The following GPSM1 variants were observed in gnomAD, a reference collection of about 807,000 sequenced individuals.
The protein encoded by GPSM1 is G protein signaling modulator 1, also known as G protein-signaling modulator 1.
GPSM1 carries 48 observed loss-of-function variants against 70.5 expected under a neutral mutation model. The observed-to-expected ratio is 0.68, with a 90% CI of 0.54 to 0.87. The LOEUF (loss-of-function observed/expected upper bound fraction) is 0.87. GPSM1 is among the 40% of genes least tolerant of loss of function. The probability of loss-of-function intolerance (pLI) is 0.00; values close to 1 mark genes in which losing one functional copy is unlikely to be tolerated. For missense variants in GPSM1, 981 were observed against 972.6 expected (o/e 1.01, Z -0.11); for synonymous variants, 416 against 430.1 (o/e 0.97, Z 0.41).
At chr9:136,338,794 C>T (rs1832315986) in intron 7 of GPSM1, 84 bp downstream of exon 7, 5 of 1,338,374 alleles carry the variant, frequency 3.7e-6, no homozygotes, top group Non-Finnish European at 4.0e-6. Flanking sequence ...GCCTGGGTCC[C>T]ATCCCCTGCT....
Position 136,338,547 on chromosome 9 carries a change from C to T in GPSM1, c.819-8C>T, listed in dbSNP as rs782749641. The T allele has an allele frequency of 2.7e-5, 44 of 1,608,436 alleles. No homozygotes were observed. Among genetic ancestry groups the T allele is most frequent in the Non-Finnish European group, 3.6e-5 (42 of 1,177,444 alleles). On this transcript the variant is annotated splice_region_variant and splice_polypyrimidine_tract_variant and intron_variant, in intron 6 of 13. Coordinates refer to ENST00000440944, the MANE Select transcript of GPSM1 (RefSeq NM_001145638.3). ...CCTCCTGGGGGCTGACCCTGCCACT[C>T]TGCACAGGAAGACGCTGCAACTGTC... is the stretch of plus-strand genomic sequence containing the variant.
rs146647663 is a variant in GPSM1 at position 136,358,710 on chromosome 9, G to A, written c.*490G>A. ...CCCCTCCAGCTTCGTCCTGGGGCAG[G>A]GCTCCCTCCAAGCCTGTCTCCCCAC... On this transcript the variant is annotated 3_prime_UTR_variant, in exon 14 of 14. Transcript: ENST00000440944. 218 of 201,896 alleles carry A rather than the reference G, an allele frequency of 1.1e-3. No homozygotes were observed. Among genetic ancestry groups the A allele is most frequent in the African/African-American group, 5.0e-3 (208 of 41,918 alleles). The allele number at this position is 201,896 out of a possible 1,614,324, so 12.5% of individuals were successfully genotyped here.
Position 136,334,432 on chromosome 9 carries a change from A to G in GPSM1, c.69-15A>G, listed in dbSNP as rs782734210. 2 of 1,604,334 alleles carry G rather than the reference A, an allele frequency of 1.2e-6. No individual in the cohort carries two copies. The highest frequency in any genetic ancestry group is 2.2e-5 in the East Asian group (1 of 44,784). On this transcript the variant is annotated splice_polypyrimidine_tract_variant and intron_variant, in intron 1 of 13. Transcript: ENST00000440944. Reference sequence around the variant, plus strand: ...TTGCCAGGGCTGGGCCATGACGCCAAGTTCCTCTGCACAGGATGGAGGCGT... The same window carrying G: ...TTGCCAGGGCTGGGCCATGACGCCAGGTTCCTCTGCACAGGATGGAGGCGT...
chr9:136,337,173 C>T, intron 4 of GPSM1, 101 bp downstream of exon 4: 3 of 1,179,670 alleles, frequency 2.5e-6, no homozygotes, highest in Non-Finnish European at 3.5e-6. Flanking sequence ...TACCTCCCGA[C>T]AGCTCCCAGG....
In GPSM1 at chr9:136,334,684, C is replaced by G. The variant is rs1035795515; in HGVS notation, c.290+16C>G. On this transcript the variant is annotated intron_variant, in intron 2 of 13. Transcript: ENST00000440944. ...TGCTGGCGCGGTGAGTGGGGACGGTCCTGCTGGCGGGTGAGTGGGGCGGCC... is the reference window on the plus strand; with the variant it reads ...TGCTGGCGCGGTGAGTGGGGACGGTGCTGCTGGCGGGTGAGTGGGGCGGCC... The G allele has an allele frequency of 6.3e-7, 1 of 1,599,672 alleles. No homozygotes were observed. Among genetic ancestry groups the G allele is most frequent in the African/African-American group, 1.4e-5 (1 of 73,790 alleles).
At chr9:136,352,451 C>G (rs1191496380) in intron 11 of GPSM1, among the ~76,000 whole-genome samples, 1 of 152,204 alleles carries the variant, frequency 6.6e-6, no homozygotes, top group Non-Finnish European at 1.5e-5. Flanking sequence ...GTCTGGGGGT[C>G]CAGAGAACTC....
intron 13 of GPSM1, among the ~76,000 whole-genome samples, chr9:136,357,708 G>A (rs1048404421): frequency 1.1e-4 from 16 of 152,204 alleles, no homozygotes; most frequent in African/African-American, 1.4e-4. Context: ...ATCCAACGCC[G>A]CCCTAGCCAC....
At position 136,342,869 on chromosome 9, in the gene GPSM1, A is replaced by G. The variant is rs1222795800; in HGVS notation, c.1207+1876A>G. Among the ~76,000 whole-genome samples the G allele has an allele frequency of 1.3e-5, 2 of 151,214 alleles. No individual in the cohort carries two copies. Among genetic ancestry groups the G allele is most frequent in the Non-Finnish European group, 3.0e-5 (2 of 67,724 alleles). Reference sequence around the variant, plus strand: ...AGCGGGGTGTGGGCAGGGAGGAGGAAGTCGTCTGGAGGTGGGGCTTCAGCC... The same window carrying G: ...AGCGGGGTGTGGGCAGGGAGGAGGAGGTCGTCTGGAGGTGGGGCTTCAGCC... On this transcript the variant is annotated intron_variant, in intron 9 of 13. Transcript: ENST00000440944. This position sits in a 1 kb window ranked among gnomAD's most constrained non-coding sequence, Gnocchi z 5.5.
intron 1 of GPSM1, among the ~76,000 whole-genome samples, chr9:136,329,977 G>A (rs1832064938): frequency 2.0e-5 from 3 of 150,518 alleles, no homozygotes; most frequent in South Asian, 4.2e-4. Context: ...GGGTCAGTGG[G>A]GATGGGCCCT....
intron 1 of GPSM1, among the ~76,000 whole-genome samples, chr9:136,334,240 T>C (rs545395459): frequency 2.0e-5 from 3 of 152,300 alleles, no homozygotes; most frequent in East Asian, 3.9e-4. Context: ...CAGGAGGTGC[T>C]GGCAGAGGTG....
chr9:136,349,763 G>A lies in GPSM1; in HGVS notation c.1455G>A (p.Thr485=), dbSNP rs1266109958. 5 of 1,571,498 alleles carry A rather than the reference G, an allele frequency of 3.2e-6. No individual in the cohort carries two copies. The highest frequency in any genetic ancestry group is 1.4e-5 in the African/African-American group (1 of 74,070). Reference sequence around the variant, plus strand: ...ACGTCCGGGTGCACGTGCCACGCACGGTAGGCGTCTTTGACGGCAGATCCA... The same window carrying A: ...ACGTCCGGGTGCACGTGCCACGCACAGTAGGCGTCTTTGACGGCAGATCCA... ...SADVRVHVPR[T]SIPRAPSSDE... is the part of the protein sequence containing the mutation. The change falls in exon 11 of 14, where the codon ACG becomes ACA. Residue 485 remains threonine (T), a splice_region_variant and synonymous_variant. Transcript: ENST00000440944.
intron 2 of GPSM1, 101 bp from the exon 3 acceptor site, chr9:136,335,865 G>T (rs1387415242): frequency 2.4e-6 from 3 of 1,224,656 alleles, no homozygotes; most frequent in Non-Finnish European, 3.5e-6. Context: ...CTCCATGCTG[G>T]TCCCTGAGGC....
chr9:136,346,670 G>C (rs1430964407), intron 9 of GPSM1, among the ~76,000 whole-genome samples: 1 of 152,228 alleles, frequency 6.6e-6, no homozygotes, highest in Non-Finnish European at 1.5e-5. Flanking sequence ...CGCAGCATGG[G>C]CCTGTAAGGG....
chr9:136,341,798 T>G lies in GPSM1; in HGVS notation c.1207+805T>G, dbSNP rs1554770375. On this transcript the variant is annotated intron_variant, in intron 9 of 13. Transcript: ENST00000440944. This position sits in a 1 kb window ranked among gnomAD's most constrained non-coding sequence, Gnocchi z 6.7. ...TGGTGCTGGGCTGCCGGAGTTTCTT[T>G]TTCTTATCTTATTTTTAATAATTAA... 1.0e-6 allele frequency: 1 copy of G among 982,070 alleles called. No homozygotes were observed. The highest frequency in any genetic ancestry group is 1.8e-5 in the African/African-American group (1 of 57,136). The allele number at this position is 982,070 out of a possible 1,614,324, so 60.8% of individuals were successfully genotyped here. A position where few individuals can be genotyped will look rare whatever the true frequency, so the allele number is the denominator to read the frequency against.
intron 9 of GPSM1, among the ~76,000 whole-genome samples, chr9:136,344,790 C>G (rs557828973): frequency 3.6e-4 from 55 of 152,272 alleles, no homozygotes; most frequent in Admixed American, 8.5e-4. Context: ...CTGGAGCTGA[C>G]GGAGCAAGGC....
Position 136,349,624 on chromosome 9 carries a change from G to GGGGGCCCAGCA in GPSM1, c.1320_1330dup (p.Asp444GlyfsTer11), listed in dbSNP as rs1564353134. 1 of 1,549,892 alleles carries GGGGGCCCAGCA rather than the reference G, an allele frequency of 6.5e-7. No individual in the cohort carries two copies. The highest frequency in any genetic ancestry group is 1.2e-5 in the South Asian group (1 of 84,040). The stretch of plus-strand genomic sequence containing the variant: ...GACAGCCACCATTCAGGGGACTGGC[G>GGGGGCCCAGCA]GGGGCCCAGCAGGGACTCGCTACCC... On this transcript the variant is annotated frameshift_variant, in exon 11 of 14. Transcript: ENST00000440944. LOFTEE classifies it high-confidence loss of function.
intron 1 of GPSM1, among the ~76,000 whole-genome samples, chr9:136,328,446 C>A (rs74889511): frequency 6.6e-6 from 1 of 152,190 alleles, no homozygotes; most frequent in Non-Finnish European, 1.5e-5. Context: ...GCCACACGAG[C>A]GTGAGGTCCA....
At chr9:136,344,210 G>A (rs569652225) in intron 9 of GPSM1, among the ~76,000 whole-genome samples, 7 of 143,864 alleles carry the variant, frequency 4.9e-5, no homozygotes, top group Admixed American at 2.1e-4. Flanking sequence ...GGACAGGAGC[G>A]GGGTGGGGGC....
chr9:136,336,029 C>G lies in GPSM1; in HGVS notation c.354C>G (p.Val118=), dbSNP rs1321635796. ...GAAACCTGGGAAACACACTCAAGGTCCTGGGGCGCTTCGACGAGGCTGCCG... is the reference window on the plus strand; with the variant it reads ...GAAACCTGGGAAACACACTCAAGGTGCTGGGGCGCTTCGACGAGGCTGCCG... ...ASGNLGNTLK[V]LGRFDEAAVC... Residue 118 remains valine (V), a synonymous_variant, in exon 3 of 14, where the codon GTC becomes GTG. Transcript: ENST00000440944. The G allele has an allele frequency of 1.2e-6, 2 of 1,612,450 alleles. No homozygotes were observed. Among genetic ancestry groups the G allele is most frequent in the Non-Finnish European group, 1.7e-6 (2 of 1,179,906 alleles).
Sources: gnomAD v4.1 joint callset for allele counts (sites outside exome capture counted in the v4.1 genomes callset) on GRCh38, gnomAD v4.1.1 for gene constraint, Gnocchi (gnomAD v3.1) non-coding constraint, MANE v1.5 for transcripts, NCBI Gene and HGNC (gene_info 2026-07-23, HGNC 2026-07-21) for gene names.